FSCB: variants seen among roughly 807,000 people sequenced by gnomAD.
FSCB encodes the protein fibrous sheath CABYR-binding protein.
For synonymous variants in FSCB, 331 were observed against 336.6 expected, an observed-to-expected ratio of 0.98 and a Z score of 0.18; for missense variants, 975 against 934.8, an observed-to-expected ratio of 1.04 and a Z score of -0.56.
Position 44,504,630 on chromosome 14 carries a change from C to T in FSCB, c.2358G>A (p.Glu786=), listed in dbSNP as rs1187343566. 5.0e-6 allele frequency: 8 copies of T among 1,613,996 alleles called. No individual in the cohort carries two copies. Among genetic ancestry groups the T allele is most frequent in the Non-Finnish European group, 5.9e-6 (7 of 1,180,012 alleles). ...VVLEGEAKFE[E]VSKINSVLKD... ...TAAGGACAGAATTGATTTTTGAAAC[C>T]TCTTCAAATTTTGCTTCACCTTCCA... Residue 786 remains glutamate (E), a synonymous_variant, in exon 1 of 1, where the codon GAG becomes GAA. Coordinates refer to ENST00000340446, the MANE Select transcript of FSCB (RefSeq NM_032135.4).
At position 44,504,614 on chromosome 14, in the gene FSCB, A is replaced by G. The variant is rs1469630621; in HGVS notation, c.2374T>C (p.Ser792Pro). The stretch of plus-strand genomic sequence containing the variant: ...GTATTAGACAAATCTTTAAGGACAG[A>G]ATTGATTTTTGAAACCTCTTCAAAT... ...AKFEEVSKIN[S>P]VLKDLSNTND... is the part of the protein sequence containing the mutation. The change falls in exon 1 of 1, where the codon TCT (serine) becomes CCT (proline). Residue 792 changes from serine to proline, a missense_variant. Physicochemically the swap from Ser to Pro is moderately conservative, Grantham distance 74. Coordinates refer to ENST00000340446, the MANE Select transcript of FSCB (RefSeq NM_032135.4). The G allele has an allele frequency of 5.0e-6, 8 of 1,614,162 alleles. No homozygotes were observed. The highest frequency in any genetic ancestry group is 6.8e-6 in the Non-Finnish European group (8 of 1,179,992).
chr14:44,506,352 AT>A, the FSCB span: 1 of 1,614,100 alleles, frequency 6.2e-7, no homozygotes, highest in South Asian at 1.1e-5. Context: ...TTCTGCTGAT[AT>A]TTTTCTGCCC....
Position 44,504,338 on chromosome 14 carries a change from T to C in FSCB, c.*172A>G, listed in dbSNP as rs17115201. ...TAAATTTGAATGAAATTAACACAAG[T>C]AATTTTATGCTGCTACAGTTTTTAT... On this transcript the variant is annotated 3_prime_UTR_variant, in exon 1 of 1. Coordinates refer to ENST00000340446, the MANE Select transcript of FSCB (RefSeq NM_032135.4). The C allele has an allele frequency of 2.6e-3, 1,218 of 465,304 alleles. 11 individuals are homozygous for C. Among genetic ancestry groups the C allele is most frequent in the African/African-American group, 0.022 (1,102 of 49,926 alleles). 28.8% of individuals were successfully genotyped at this position (465,304 alleles called of 1,614,324 possible).
chr14:44,504,913 A>G lies in FSCB; in HGVS notation c.2075T>C (p.Ile692Thr), dbSNP rs1441423620. The change falls in exon 1 of 1, where the codon ATA becomes ACA. Residue 692 changes from isoleucine (I) to threonine (T), a missense_variant. Ile to Thr is a moderately conservative substitution (Grantham distance 89). Transcript: ENST00000340446. ...VQSLPAEETP[I>T]EETLAAVHSP... is the part of the protein sequence containing the mutation. ...GTGTACTGCAGCAAGGGTCTCTTCT[A>G]TAGGAGTCTCCTCAGCTGGTAGAGA... 3 of 1,613,592 alleles carry G rather than the reference A, an allele frequency of 1.9e-6. No homozygotes were observed. The highest frequency in any genetic ancestry group is 2.5e-6 in the Non-Finnish European group (3 of 1,179,992).
In FSCB at chr14:44,504,427, C is replaced by T; in HGVS notation, c.*83G>A. 1 of 1,080,234 alleles carries T rather than the reference C, an allele frequency of 9.3e-7. No individual in the cohort carries two copies. Among genetic ancestry groups the T allele is most frequent in the Non-Finnish European group, 1.3e-6 (1 of 754,212 alleles). 66.9% of individuals were successfully genotyped at this position (1,080,234 alleles called of 1,614,324 possible). A position where few individuals can be genotyped will look rare whatever the true frequency, so the allele number is the denominator to read the frequency against. ...CCTTTAATTTGCCTTATTGACAAAG[C>T]TACTTCCCGCTGCCCACCCTTTTCT... is the stretch of plus-strand genomic sequence containing the variant. On this transcript the variant is annotated 3_prime_UTR_variant, in exon 1 of 1. Transcript: ENST00000340446.
In FSCB at chr14:44,506,020, T is replaced by A. The variant is rs201506756; in HGVS notation, c.968A>T (p.Glu323Val). The change falls in exon 1 of 1, where the codon GAG (glutamate) becomes GTG (valine). Residue 323 changes from glutamate (E) to valine (V), a missense_variant. Physicochemically the swap from Glu to Val is moderately radical, Grantham distance 121. Transcript: ENST00000340446. ...AGCAGGAAACTCCACTAAAGGGGCC[T>A]CTTCAGCAGGTGGAGGCTGAACTTT... ...SVKVQPPPAE[E>V]APLVEFPAEI... 6.2e-7 allele frequency: 1 copy of A among 1,614,174 alleles called. No individual in the cohort carries two copies. The highest frequency in any genetic ancestry group is 8.5e-7 in the Non-Finnish European group (1 of 1,180,028).
chr14:44,507,159 G>C lies in FSCB; in HGVS notation c.-172C>G. 1.8e-6 allele frequency: 1 copy of C among 570,432 alleles called. No homozygotes were observed. Among genetic ancestry groups the C allele is most frequent in the Non-Finnish European group, 3.1e-6 (1 of 321,472 alleles). The allele number at this position is 570,432 out of a possible 1,614,324, so 35.3% of individuals were successfully genotyped here. A position where few individuals can be genotyped will look rare whatever the true frequency, so the allele number is the denominator to read the frequency against. On this transcript the variant is annotated 5_prime_UTR_variant, in exon 1 of 1. Coordinates refer to ENST00000340446, the MANE Select transcript of FSCB (RefSeq NM_032135.4). ...AGTGTCAAAGACTTTCCCTTTCTTA[G>C]GTGTCATTCTGTTGAGCTCCCTCAG...
Position 44,504,894 on chromosome 14 carries a change from T to C in FSCB, c.2094A>G (p.Ala698=), listed in dbSNP as rs748406913. Residue 698 remains alanine, a synonymous_variant, in exon 1 of 1, where the codon GCA becomes GCG. Transcript: ENST00000340446. ...EETPIEETLA[A]VHSPPADDVP... ...CATCATCAGCTGGGGGAGAGTGTACTGCAGCAAGGGTCTCTTCTATAGGAG... is the reference window on the plus strand; with the variant it reads ...CATCATCAGCTGGGGGAGAGTGTACCGCAGCAAGGGTCTCTTCTATAGGAG... The C allele has an allele frequency of 2.5e-6, 4 of 1,614,072 alleles. No individual in the cohort carries two copies. The highest frequency in any genetic ancestry group is 2.5e-6 in the Non-Finnish European group (3 of 1,180,006).
rs961681691 is a variant in FSCB at position 44,505,588 on chromosome 14, G to C, written c.1400C>G (p.Ala467Gly). 8.1e-6 allele frequency: 13 copies of C among 1,612,982 alleles called. No homozygotes were observed. The South Asian group carries it at 1.4e-4, about 18-fold the overall frequency. The change falls in exon 1 of 1, where the codon GCA becomes GGA. Residue 467 changes from alanine (A) to glycine (G), a missense_variant. By Grantham distance (60) the Ala-to-Gly change is moderately conservative (BLOSUM62 0). Transcript: ENST00000340446. ...FQSPLPKETTAEEASAEIQLL... is the reference protein window; with the variant it reads ...FQSPLPKETTGEEASAEIQLL... Reference sequence around the variant, plus strand: ...CTGAATTTCAGCAGAGGCCTCTTCTGCAGTGGTCTCTTTAGGTAATGGAGA... The same window carrying C: ...CTGAATTTCAGCAGAGGCCTCTTCTCCAGTGGTCTCTTTAGGTAATGGAGA...
Position 44,506,430 on chromosome 14 carries a change from C to T in FSCB, c.558G>A (p.Ser186=), listed in dbSNP as rs1175577064. 7 of 1,613,996 alleles carry T rather than the reference C, an allele frequency of 4.3e-6. No individual in the cohort carries two copies. The highest frequency in any genetic ancestry group is 1.6e-4 in the Middle Eastern group (1 of 6,084). The change falls in exon 1 of 1, where the codon TCG becomes TCA. Residue 186 remains serine (S), a synonymous_variant. Transcript: ENST00000340446. ...GTTCACTAGCAAAAATCTTTCCCGA[C>T]GATTTATGTTTCAGGGCATCTTCCT... ...KSKEDALKHK[S]SGKIFASEHP... is the part of the protein sequence containing the mutation.
Position 44,504,644 on chromosome 14 carries a change from C to A in FSCB, c.2344G>T (p.Ala782Ser). 6.2e-7 allele frequency: 1 copy of A among 1,614,188 alleles called. No individual in the cohort carries two copies. ...ATTTTTGAAACCTCTTCAAATTTTG[C>A]TTCACCTTCCAAAACAACCGATCCT... ...KLGSVVLEGE[A>S]KFEEVSKINS... is the part of the protein sequence containing the mutation. The change falls in exon 1 of 1, where the codon GCA (alanine) becomes TCA (serine). Residue 782 changes from alanine to serine, a missense_variant. Ala to Ser is a moderately conservative substitution (Grantham distance 99, BLOSUM62 1). Transcript: ENST00000340446.
Position 44,504,275 on chromosome 14 carries a change from T to C in FSCB, c.*235A>G, listed in dbSNP as rs574082267. Reference sequence around the variant, plus strand: ...GGATATTTTAAGCAATTTTTTTCAATTATAAACTTACTTTCAAAATAGGTA... The same window carrying C: ...GGATATTTTAAGCAATTTTTTTCAACTATAAACTTACTTTCAAAATAGGTA... On this transcript the variant is annotated 3_prime_UTR_variant, in exon 1 of 1. Transcript: ENST00000340446. 2.7e-6 allele frequency: 1 copy of C among 366,938 alleles called. No individual in the cohort carries two copies. Among genetic ancestry groups the C allele is most frequent in the Non-Finnish European group, 4.9e-6 (1 of 205,814 alleles). 22.7% of individuals were successfully genotyped at this position (366,938 alleles called of 1,614,324 possible).
Position 44,504,857 on chromosome 14 carries a change from C to T in FSCB, c.2131G>A (p.Glu711Lys). Residue 711 changes from glutamate (E) to lysine (K), a missense_variant, in exon 1 of 1, where the codon GAG (glutamate) becomes AAG (lysine). Physicochemically the swap from Glu to Lys is moderately conservative, Grantham distance 56. Transcript: ENST00000340446. The stretch of plus-strand genomic sequence containing the variant: ...GGGGAATGTTTGTCAACGGAGGCCT[C>T]TTCTGCAGGGACATCATCAGCTGGG... ...SPPADDVPAE[E>K]ASVDKHSPPA... 3 of 1,614,216 alleles carry T rather than the reference C, an allele frequency of 1.9e-6. No homozygotes were observed. Among genetic ancestry groups the T allele is most frequent in the East Asian group, 4.5e-5 (2 of 44,878 alleles).
In FSCB at chr14:44,504,848, C is replaced by T. The variant is rs138388824; in HGVS notation, c.2140G>A (p.Val714Ile). 4.3e-4 allele frequency: 687 copies of T among 1,614,164 alleles called. 1 individual carries two copies. The highest frequency in any genetic ancestry group is 5.0e-4 in the Middle Eastern group (3 of 6,060). Residue 714 changes from valine to isoleucine, a missense_variant, in exon 1 of 1, where the codon GTT becomes ATT. Val to Ile is a conservative substitution (Grantham distance 29). Coordinates refer to ENST00000340446, the MANE Select transcript of FSCB (RefSeq NM_032135.4). ...ADDVPAEEAS[V>I]DKHSPPADLL... ...TCAGCTGGTGGGGAATGTTTGTCAACGGAGGCCTCTTCTGCAGGGACATCA... is the reference window on the plus strand; with the variant it reads ...TCAGCTGGTGGGGAATGTTTGTCAATGGAGGCCTCTTCTGCAGGGACATCA...
Position 44,504,734 on chromosome 14 carries a change from G to T in FSCB, c.2254C>A (p.Leu752Met). 6.2e-7 allele frequency: 1 copy of T among 1,614,162 alleles called. No individual in the cohort carries two copies. Among genetic ancestry groups the T allele is most frequent in the Non-Finnish European group, 8.5e-7 (1 of 1,180,038 alleles). Residue 752 changes from leucine to methionine, a missense_variant, in exon 1 of 1, where the codon CTG (leucine) becomes ATG (methionine). By Grantham distance (15) the Leu-to-Met change is conservative. Coordinates refer to ENST00000340446, the MANE Select transcript of FSCB (RefSeq NM_032135.4). ...AATTCTGTAGACACATTCTCTACCAGAGCCTCATCTTCAGGGGTTTGTTCA... is the reference window on the plus strand; with the variant it reads ...AATTCTGTAGACACATTCTCTACCATAGCCTCATCTTCAGGGGTTTGTTCA... The part of the protein sequence containing the change: ...PSEQTPEDEA[L>M]VENVSTEFQS...
chr14:44,504,806 C>T lies in FSCB; in HGVS notation c.2182G>A (p.Glu728Lys). Residue 728 changes from glutamate to lysine, a missense_variant, in exon 1 of 1, where the codon GAG (glutamate) becomes AAG (lysine). Transcript: ENST00000340446. ...GCAGAGGCCTCTCCTATAGGAAACT[C>T]CTCAGTCAGAAGCAAATCAGCTGGT... Reference protein sequence around the residue: ...SPPADLLLTEEFPIGEASAEV... With the variant: ...SPPADLLLTEKFPIGEASAEV... The T allele has an allele frequency of 1.2e-6, 2 of 1,614,192 alleles. No homozygotes were observed. The highest frequency in any genetic ancestry group is 1.7e-6 in the Non-Finnish European group (2 of 1,180,044).
At position 44,505,171 on chromosome 14, in the gene FSCB, G is replaced by T. The variant is rs374050372; in HGVS notation, c.1817C>A (p.Ala606Asp). Residue 606 changes from alanine (A) to aspartate (D), a missense_variant, in exon 1 of 1, where the codon GCT (alanine) becomes GAT (aspartate). Transcript: ENST00000340446. ...TGGTGGAGGCTGAACTTCAGCAGGA[G>T]CCTCTTCTGCAGAAGCCTCTGTAGC... ...LAATEASAEEAPAEVQPPPAE... is the reference protein window; with the variant it reads ...LAATEASAEEDPAEVQPPPAE... 13 of 1,611,656 alleles carry T rather than the reference G, an allele frequency of 8.1e-6. No homozygotes were observed. The highest frequency in any genetic ancestry group is 1.3e-5 in the African/African-American group (1 of 74,860).
chr14:44,506,356 T>G lies in FSCB; in HGVS notation c.632A>C (p.Lys211Thr). 1.2e-6 allele frequency: 2 copies of G among 1,614,206 alleles called. No homozygotes were observed. Among genetic ancestry groups the G allele is most frequent in the African/African-American group, 2.7e-5 (2 of 75,058 alleles). The change falls in exon 1 of 1, where the codon AAA (lysine) becomes ACA (threonine). Residue 211 changes from lysine to threonine, a missense_variant. Coordinates refer to ENST00000340446, the MANE Select transcript of FSCB (RefSeq NM_032135.4). ...AGTAAATGAAGTTCTGCTGATATTT[T>G]TCTGCCCAATTTCTTCATTGCTGTT... ...ATNSNEEIGQ[K>T]NISRTSFTQE...
chr14:44,505,500 A>C lies in FSCB; in HGVS notation c.1488T>G (p.Ser496=), dbSNP rs1469628510. 1 of 1,612,296 alleles carries C rather than the reference A, an allele frequency of 6.2e-7. No individual in the cohort carries two copies. The highest frequency in any genetic ancestry group is 1.7e-5 in the Admixed American group (1 of 59,994). The change falls in exon 1 of 1, where the codon TCT becomes TCG. Residue 496 remains serine, a synonymous_variant. Transcript: ENST00000340446. ...GAGCCTCTTCTGCAGAAGTCTCCTC[A>C]GATAGTGGAGACCGAGCTTCGGCAG... The part of the protein sequence containing the change: ...ETPAEARSPL[S]EETSAEEAHA...
Sources: allele counts gnomAD v4.1 joint callset, GRCh38; gene constraint gnomAD v4.1.1; transcripts MANE v1.5; gene names NCBI Gene and HGNC (gene_info 2026-07-23, HGNC 2026-07-21).